Variants in KCNQ5 observed in about 807,000 individuals in gnomAD.
KCNQ5 encodes the protein potassium voltage-gated channel subfamily Q member 5.
In KCNQ5, 30 loss-of-function variants were observed where a neutral mutation model predicts 98.2. That is an observed-to-expected ratio of 0.31 (90% CI 0.23 to 0.41). The LOEUF is 0.41. Among genes scored for constraint, KCNQ5 ranks in the 10% least tolerant of loss-of-function variants. The probability of loss-of-function intolerance (pLI) is 1.00; values close to 1 mark genes in which losing one functional copy is unlikely to be tolerated. For missense variants in KCNQ5, 835 were observed against 1,182.5 expected (o/e 0.71, Z 4.31); for synonymous variants, 458 against 449.4 (o/e 1.02, Z -0.24).
At chr6:73,107,860 A>G (rs1341243133) in intron 6 of KCNQ5, among the ~76,000 whole-genome samples, 1 of 152,248 alleles carries the variant, frequency 6.6e-6, no homozygotes, top group Non-Finnish European at 1.5e-5. Flanking sequence ...CTGAAACTTC[A>G]CAATATTTTC....
At chr6:72,974,219 C>T (rs982194291) in intron 1 of KCNQ5, among the ~76,000 whole-genome samples, 2 of 152,168 alleles carry the variant, frequency 1.3e-5, no homozygotes, top group African/African-American at 4.8e-5. Context: ...CAGTTTGTAG[C>T]TGCTTTTGCA....
intron 4 of KCNQ5, 49 bp downstream of exon 4, chr6:73,077,546 A>G: frequency 6.5e-7 from 1 of 1,542,374 alleles, no homozygotes; most frequent in Non-Finnish European, 8.8e-7. Flanking sequence ...AAACTTTTTC[A>G]TTGATCGCTG....
At chr6:73,112,029 T>G (rs1375808102) in intron 7 of KCNQ5, among the ~76,000 whole-genome samples, 1 of 152,220 alleles carries the variant, frequency 6.6e-6, no homozygotes, top group African/African-American at 2.4e-5. Context: ...TTCTTTTCAC[T>G]AACTCAGGAT....
At chr6:72,879,329 A>G (rs1242019463) in intron 1 of KCNQ5, among the ~76,000 whole-genome samples, 1 of 152,168 alleles carries the variant, frequency 6.6e-6, no homozygotes, top group East Asian at 1.9e-4. Flanking sequence ...CTGATAAGAA[A>G]TCACTCCTCT....
intron 7 of KCNQ5, among the ~76,000 whole-genome samples, chr6:73,117,065 G>A (rs757900229): frequency 3.9e-5 from 6 of 152,268 alleles, no homozygotes; most frequent in Middle Eastern, 3.4e-3. Flanking sequence ...TGGCAAAGTT[G>A]GCTCTCATTT....
chr6:72,946,466 C>G (rs1417568427), intron 1 of KCNQ5, among the ~76,000 whole-genome samples: 1 of 152,034 alleles, frequency 6.6e-6, no homozygotes, highest in Non-Finnish European at 1.5e-5. Flanking sequence ...AAAAACATAA[C>G]TGAGTTACAA....
intron 1 of KCNQ5, among the ~76,000 whole-genome samples, chr6:72,940,642 C>T (rs531580675): frequency 4.6e-5 from 7 of 152,170 alleles, no homozygotes; most frequent in South Asian, 2.1e-4. Context: ...TAATAAAGAC[C>T]GCTAAGACAA....
intron 1 of KCNQ5, among the ~76,000 whole-genome samples, chr6:72,940,519 A>G (rs1766175364): frequency 6.6e-6 from 1 of 152,204 alleles, no homozygotes; most frequent in African/African-American, 2.4e-5. Context: ...CAATAGGAAG[A>G]CAGGCCCAGT....
chr6:72,998,041 A>G (rs1355511857), intron 1 of KCNQ5, among the ~76,000 whole-genome samples: 2 of 152,208 alleles, frequency 1.3e-5, no homozygotes, highest in Non-Finnish European at 2.9e-5. Context: ...AACATTATGC[A>G]TAAAGGATAT....
At chr6:73,103,803 A>C (rs1345537995) in intron 5 of KCNQ5, among the ~76,000 whole-genome samples, 1 of 152,160 alleles carries the variant, frequency 6.6e-6, no homozygotes, top group Non-Finnish European at 1.5e-5. Flanking sequence ...TGAAAGTACA[A>C]AAGTGTGACT....
At chr6:73,180,172 G>A (rs1383134437) in intron 11 of KCNQ5, among the ~76,000 whole-genome samples, 4 of 152,180 alleles carry the variant, frequency 2.6e-5, no homozygotes, top group African/African-American at 4.8e-5. Flanking sequence ...CACCATGCTT[G>A]TAGAGAGGAA....
rs527441084 is a variant in KCNQ5, at chr6:73,022,626, A to T, written c.489+18628A>T. On this transcript the variant is annotated intron_variant, in intron 2 of 13. Coordinates refer to ENST00000370398, the MANE Select transcript of KCNQ5 (RefSeq NM_019842.4). Reference sequence around the variant, plus strand: ...TCTGTCTCTGAAAAAAAAATGCATTAACCAAGCATTTCTTGAGTGCCCACT... The same window carrying T: ...TCTGTCTCTGAAAAAAAAATGCATTTACCAAGCATTTCTTGAGTGCCCACT... 3.3e-5 allele frequency among the ~76,000 whole-genome samples: 5 copies of T among 152,230 alleles called. No homozygotes were observed. In the South Asian group the frequency reaches 1.0e-3, roughly 32 times the overall value.
At chr6:72,668,952 T>G (rs1338258611) in intron 1 of KCNQ5, among the ~76,000 whole-genome samples, 1 of 151,964 alleles carries the variant, frequency 6.6e-6, no homozygotes, top group African/African-American at 2.4e-5. Context: ...TCAAATATAC[T>G]TATTGGGGAT....
intron 1 of KCNQ5, among the ~76,000 whole-genome samples, chr6:72,682,815 C>T (rs1279844198): frequency 6.6e-6 from 1 of 152,004 alleles, no homozygotes; most frequent in Non-Finnish European, 1.5e-5. Flanking sequence ...GCCAGGGTGG[C>T]GAGGATGAAA....
At chr6:73,004,378 A>G (rs1769726399) in intron 2 of KCNQ5, among the ~76,000 whole-genome samples, 1 of 152,212 alleles carries the variant, frequency 6.6e-6, no homozygotes, top group African/African-American at 2.4e-5. Context: ...TTTTCCAATA[A>G]CTGTAATTTG....
chr6:72,963,683 G>A (rs1767479644), intron 1 of KCNQ5, among the ~76,000 whole-genome samples: 1 of 150,986 alleles, frequency 6.6e-6, no homozygotes, highest in South Asian at 2.1e-4. Flanking sequence ...TATTTATTGA[G>A]ATAGAATCTC....
intron 3 of KCNQ5, among the ~76,000 whole-genome samples, chr6:73,050,928 T>C (rs1772206256): frequency 2.0e-5 from 3 of 152,222 alleles, no homozygotes. Context: ...GTTTATTGCT[T>C]AATAGAATTC....
At chr6:73,149,243 A>G (rs1777045245) in intron 10 of KCNQ5, among the ~76,000 whole-genome samples, 1 of 152,218 alleles carries the variant, frequency 6.6e-6, no homozygotes, top group African/African-American at 2.4e-5. Flanking sequence ...TAGGAAATAC[A>G]TATTATAGAA....
intron 1 of KCNQ5, among the ~76,000 whole-genome samples, chr6:72,727,436 G>T (rs146917440): frequency 2.6e-5 from 4 of 152,022 alleles, no homozygotes; most frequent in Non-Finnish European, 4.4e-5. Flanking sequence ...TTCAATGATG[G>T]CATTTATGTA....
Sources: allele counts gnomAD v4.1 joint callset (sites outside exome capture counted in the v4.1 genomes callset), GRCh38; gene constraint gnomAD v4.1.1; transcripts MANE v1.5; gene names NCBI Gene and HGNC (gene_info 2026-07-23, HGNC 2026-07-21).